Variants in CYP2B6 observed in about 807,000 individuals in gnomAD.
CYP2B6 encodes cytochrome P450 2B6.
Under a neutral mutation model 43.4 loss-of-function variants are expected in CYP2B6, and 35 were observed. The ratio of observed to expected loss-of-function variants is 0.81; its 90% CI spans 0.62 to 1.07. The LOEUF is 1.07. Among genes scored for constraint, CYP2B6 ranks in the 50% least tolerant of loss-of-function variants. CYP2B6 has a pLI of 0.00. For synonymous variants in CYP2B6, 239 were observed against 239.2 expected (o/e 1.00, Z 0.01); for missense variants, 624 against 632.8 (o/e 0.99, Z 0.15).
At chr19:41,000,178 C>T (rs977892314) in intron 1 of CYP2B6, among the ~76,000 whole-genome samples, 1 of 152,192 alleles carries the variant, frequency 6.6e-6, no homozygotes, top group Admixed American at 6.5e-5. Context: ...CAGCAGCTCC[C>T]TTGAGAAGAC....
Position 40,991,318 on chromosome 19 carries a change from G to C in CYP2B6, c.13G>C (p.Val5Leu), listed in dbSNP as rs147304516. The change falls in exon 1 of 9, where the codon GTC (valine) becomes CTC (leucine). Residue 5 changes from valine to leucine, a missense_variant. By Grantham distance (32) the Val-to-Leu change is conservative (BLOSUM62 1). Coordinates refer to ENST00000324071, the MANE Select transcript of CYP2B6 (RefSeq NM_000767.5). ...TCAGACCAGGACCATGGAACTCAGC[G>C]TCCTCCTCTTCCTTGCACTCCTCAC... MELS[V>L]LLFLALLTGL... 6.2e-7 allele frequency: 1 copy of C among 1,613,940 alleles called. No homozygotes were observed. The highest frequency in any genetic ancestry group is 8.5e-7 in the Non-Finnish European group (1 of 1,180,032).
At chr19:41,010,171 A>C in intron 6 of CYP2B6, 36 bp downstream of exon 6, 1 of 1,610,898 alleles carries the variant, frequency 6.2e-7, no homozygotes, top group Non-Finnish European at 8.5e-7. Context: ...GGGTCTTCTG[A>C]CCTCCTTCTG....
intron 8 of CYP2B6, among the ~76,000 whole-genome samples, chr19:41,015,281 G>A (rs1158650767): frequency 6.6e-6 from 1 of 152,212 alleles, no homozygotes; most frequent in Non-Finnish European, 1.5e-5. Flanking sequence ...GCCTCAGGCT[G>A]TTGTGAAAAA....
chr19:41,003,147 C>T (rs1321048535), intron 1 of CYP2B6, among the ~76,000 whole-genome samples: 3 of 152,062 alleles, frequency 2.0e-5, no homozygotes, highest in Non-Finnish European at 4.4e-5. Context: ...CCTGGGTATC[C>T]ATTTGTTCAG....
chr19:41,014,782 AAG>A (rs956256467), intron 8 of CYP2B6, among the ~76,000 whole-genome samples: 9 of 151,370 alleles, frequency 5.9e-5, no homozygotes, highest in South Asian at 2.1e-4. Flanking sequence ...TACAGAGAGG[AAG>A]AGAGAGAGAC....
intron 1 of CYP2B6, among the ~76,000 whole-genome samples, chr19:41,003,512 A>G (rs556279801): frequency 6.6e-6 from 1 of 152,286 alleles, no homozygotes; most frequent in East Asian, 1.9e-4. Flanking sequence ...CTGAAACTGC[A>G]AAAAGCAAAA....
chr19:41,002,945 G>A (rs1206848728), intron 1 of CYP2B6, among the ~76,000 whole-genome samples: 205 of 152,196 alleles, frequency 1.3e-3, no homozygotes, highest in African/African-American at 4.7e-3. Flanking sequence ...CAGCCACGTT[G>A]TCGCCTGTAG....
chr19:41,001,377 C>T (rs1969083723), intron 1 of CYP2B6, among the ~76,000 whole-genome samples: 2 of 152,026 alleles, frequency 1.3e-5, no homozygotes, highest in Admixed American at 6.6e-5. Context: ...GATTGCATCT[C>T]TTGGGGGTGG....
intron 1 of CYP2B6, among the ~76,000 whole-genome samples, chr19:40,993,791 C>A (rs1347608237): frequency 2.6e-5 from 4 of 152,010 alleles, no homozygotes; most frequent in Admixed American, 2.6e-4. Flanking sequence ...CAGTGTCAGC[C>A]GCATTTTAAA....
At chr19:40,991,562 C>T (rs950930688) in intron 1 of CYP2B6, 86 bp downstream of exon 1, 8 of 1,481,208 alleles carry the variant, frequency 5.4e-6, no homozygotes, top group Non-Finnish European at 7.5e-6. Context: ...ATGAGGCAGA[C>T]TTCCAGAGTC....
At chr19:41,007,864 G>A (rs1969217561) in intron 4 of CYP2B6, among the ~76,000 whole-genome samples, 1 of 152,056 alleles carries the variant, frequency 6.6e-6, no homozygotes, top group African/African-American at 2.4e-5. Flanking sequence ...GACCTCAAGT[G>A]ATCTGCCCGC....
intron 7 of CYP2B6, 68 bp from the exon 8 acceptor site, chr19:41,012,606 T>C (rs1416713032): frequency 1.2e-6 from 2 of 1,612,068 alleles, no homozygotes; most frequent in African/African-American, 1.3e-5. Context: ...TTTGTATTTC[T>C]TTTTTGTGGA....
chr19:41,005,064 C>T lies in CYP2B6; in HGVS notation c.484+618C>T, dbSNP rs189516694. On this transcript the variant is annotated intron_variant, in intron 3 of 8. Transcript: ENST00000324071. Reference sequence around the variant, plus strand: ...CAATTGTGTCTGTCAAAGTCAAAAACGGAAGTTAAGTAAAAGAAAAAAACT... The same window carrying T: ...CAATTGTGTCTGTCAAAGTCAAAAATGGAAGTTAAGTAAAAGAAAAAAACT... Among the ~76,000 whole-genome samples, 6 of 152,158 alleles carry T rather than the reference C, an allele frequency of 3.9e-5. No individual in the cohort carries two copies. The East Asian group carries it at 9.7e-4, about 24-fold the overall frequency.
chr19:41,007,577 C>G (rs976268901), intron 4 of CYP2B6: 1 of 159,798 alleles, frequency 6.3e-6, no homozygotes, highest in African/African-American at 2.4e-5. Flanking sequence ...CCTGCCTCAG[C>G]CTCCCAAGTA....
chr19:41,010,372 T>G (rs963758499), intron 6 of CYP2B6, among the ~76,000 whole-genome samples: 2 of 152,032 alleles, frequency 1.3e-5, no homozygotes, highest in African/African-American at 4.8e-5. Context: ...TTTTTTGTTC[T>G]AAGGTTTTTG....
intron 1 of CYP2B6, among the ~76,000 whole-genome samples, chr19:40,996,760 A>G (rs1969005402): frequency 6.6e-6 from 1 of 152,188 alleles, no homozygotes; most frequent in South Asian, 2.1e-4. Context: ...TAGGGTCTCC[A>G]TGAGTGCATG....
rs115519553 is a variant in CYP2B6, at chr19:41,003,802, C to T, written c.172-199C>T. ...CCCAACCAGAAACGGAAACTAAGAA[C>T]CCATGACTGTATTCTCTCCCTTGGA... On this transcript the variant is annotated intron_variant, in intron 1 of 8. Coordinates refer to ENST00000324071, the MANE Select transcript of CYP2B6 (RefSeq NM_000767.5). 6.4e-4 allele frequency: 460 copies of T among 717,032 alleles called. 1 individual carries two copies. The African/African-American group carries it at 7.0e-3, about 11-fold the overall frequency. 44.4% of individuals were successfully genotyped at this position (717,032 alleles called of 1,614,324 possible).
intron 4 of CYP2B6, among the ~76,000 whole-genome samples, chr19:41,008,419 G>A (rs1162783535): frequency 2.2e-5 from 3 of 134,434 alleles, no homozygotes; most frequent in African/African-American, 6.0e-5. Context: ...TCACCATGTC[G>A]GCCAGGCTGG....
chr19:41,010,818 C>T (rs1568562541), intron 6 of CYP2B6, among the ~76,000 whole-genome samples: 1 of 152,122 alleles, frequency 6.6e-6, no homozygotes, highest in Non-Finnish European at 1.5e-5. Context: ...TCTGAGTCTT[C>T]ACTGTGTATC....
Sources: gnomAD v4.1 joint callset for allele counts (sites outside exome capture counted in the v4.1 genomes callset) on GRCh38, gnomAD v4.1.1 for gene constraint, MANE v1.5 for transcripts, NCBI Gene and HGNC (gene_info 2026-07-23, HGNC 2026-07-21) for gene names.